The following CYP4F11 variants were observed in gnomAD, a reference collection of about 807,000 sequenced individuals.
The protein encoded by CYP4F11 is cytochrome P450 4F11.
A neutral mutation model predicts 62.2 loss-of-function variants in CYP4F11; 79 were observed. The ratio of observed to expected loss-of-function variants is 1.27; its 90% CI spans 1.06 to 1.53. CYP4F11 has a LOEUF of 1.53. Ranked by LOEUF, CYP4F11 falls within the 40% of genes most tolerant of loss-of-function variation. The pLI, the probability that CYP4F11 is intolerant of heterozygous loss-of-function variation, is 0.00. For missense variants in CYP4F11, 777 were observed against 680.5 expected, an observed-to-expected ratio of 1.14 and a Z score of -1.58; for synonymous variants, 290 against 263.7, an observed-to-expected ratio of 1.10 and a Z score of -0.97.
intron 8 of CYP4F11, among the ~76,000 whole-genome samples, chr19:15,920,247 C>T (rs1187967688): frequency 6.6e-6 from 1 of 152,098 alleles, no homozygotes; most frequent in African/African-American, 2.4e-5. Context: ...TTTTCTAAAA[C>T]TCATATTTTG....
chr19:15,926,575 C>G (rs1338561376), intron 4 of CYP4F11, among the ~76,000 whole-genome samples: 1 of 152,174 alleles, frequency 6.6e-6, no homozygotes. Context: ...AACTTTGAAA[C>G]ATTGCAGAGA....
chr19:15,922,340 G>A (rs547102668), intron 7 of CYP4F11, 24 bp downstream of exon 7: 103 of 1,613,658 alleles, frequency 6.4e-5, no homozygotes, highest in Admixed American at 8.3e-5. Flanking sequence ...TGTCCCCACC[G>A]TAGTCCCACA....
At position 15,912,964 on chromosome 19, in the gene CYP4F11, AGGAAATAATAAT is replaced by A. The variant is rs1452388593; in HGVS notation, c.*756_*767del. 4.0e-5 allele frequency: 6 copies of A among 151,740 alleles called. No individual in the cohort carries two copies. The highest frequency in any genetic ancestry group is 8.8e-5 in the Non-Finnish European group (6 of 67,994). The allele number at this position is 151,740 out of a possible 1,614,324, so 9.4% of individuals were successfully genotyped here. A position where few individuals can be genotyped will look rare whatever the true frequency, so the allele number is the denominator to read the frequency against. The stretch of plus-strand genomic sequence containing the variant: ...CTTTAACAGCCAGACTTTCTGAGAC[AGGAAATAATAAT>A]GGCTCCATATATTTAGCATTCATTG... On this transcript the variant is annotated 3_prime_UTR_variant, in exon 12 of 12. Transcript: ENST00000402119.
intron 1 of CYP4F11, among the ~76,000 whole-genome samples, chr19:15,930,944 T>C (rs1232791703): frequency 1.3e-5 from 2 of 152,180 alleles, no homozygotes; most frequent in African/African-American, 4.8e-5. Flanking sequence ...GTGTGTCCTA[T>C]TCACCCTCCA....
At chr19:15,922,819 C>T (rs1435985806) in intron 6 of CYP4F11, among the ~76,000 whole-genome samples, 1 of 152,066 alleles carries the variant, frequency 6.6e-6, no homozygotes, top group Non-Finnish European at 1.5e-5. Context: ...TTTGGAAGGC[C>T]GAGGCAGGTG....
intron 8 of CYP4F11, among the ~76,000 whole-genome samples, chr19:15,915,656 T>C (rs1312999449): frequency 1.3e-5 from 2 of 151,854 alleles, no homozygotes; most frequent in East Asian, 4.0e-4. Context: ...ATATTCCATA[T>C]CTTTTCTCAT....
rs370872140 is a variant in CYP4F11, at chr19:15,920,142, G to A, written c.1115+1895C>T. Among the ~76,000 whole-genome samples, 80 of 152,242 alleles carry A rather than the reference G, an allele frequency of 5.3e-4. 1 individual carries two copies. The highest frequency in any genetic ancestry group is 6.8e-3 in the Middle Eastern group (2 of 294). On this transcript the variant is annotated intron_variant, in intron 8 of 11. Coordinates refer to ENST00000402119, the MANE Select transcript of CYP4F11 (RefSeq NM_021187.4). The stretch of plus-strand genomic sequence containing the variant: ...ACCATCAGGTGGATTTAATCATTCT[G>A]CATTGTGTACATCATAACATCACAG...
chr19:15,934,207 T>C lies in CYP4F11; in HGVS notation c.198+4A>G. 1.2e-6 allele frequency: 2 copies of C among 1,612,768 alleles called. No individual in the cohort carries two copies. The highest frequency in any genetic ancestry group is 1.7e-4 in the Middle Eastern group (1 of 6,054). Reference sequence around the variant, plus strand: ...CCCCAGACCCGTCCTGCTGACAAACTCACCAGGCCCTGGTGTCCCCAAAAC... The same window carrying C: ...CCCCAGACCCGTCCTGCTGACAAACCCACCAGGCCCTGGTGTCCCCAAAAC... On this transcript the variant is annotated splice_donor_region_variant and intron_variant, in intron 1 of 11. Coordinates refer to ENST00000402119, the MANE Select transcript of CYP4F11 (RefSeq NM_021187.4).
intron 2 of CYP4F11, among the ~76,000 whole-genome samples, chr19:15,928,797 G>T (rs2089688575): frequency 1.3e-5 from 2 of 152,194 alleles, no homozygotes; most frequent in South Asian, 4.1e-4. Context: ...GGAGATTGCT[G>T]GGGCCTGGAG....
chr19:15,923,863 G>A lies in CYP4F11; in HGVS notation c.867C>T (p.Asn289=), dbSNP rs779871043. The A allele has an allele frequency of 9.3e-6, 15 of 1,614,114 alleles. No individual in the cohort carries two copies. The highest frequency in any genetic ancestry group is 1.2e-5 in the Non-Finnish European group (14 of 1,180,054). Residue 289 remains asparagine (N), a synonymous_variant, in exon 6 of 12, where the codon AAC becomes AAT. Transcript: ENST00000402119. ...AGTCTAAAGTCTTGGACTTTGCCTT[G>A]TTCTTGAGGAAATCATCAATACCCT... ...PTQGIDDFLK[N]KAKSKTLDFI...
Position 15,934,001 on chromosome 19 carries a change from T to TGAGTGAGC in CYP4F11, c.198+209_198+210insGCTCACTC, listed in dbSNP as rs1568258943. ...GTGAGCGGGGAGAGGAATGAGTGAG[T>TGAGTGAGC]GGGCAGAGGAATGAGTGAGTGGGCA... On this transcript the variant is annotated intron_variant, in intron 1 of 11. Coordinates refer to ENST00000402119, the MANE Select transcript of CYP4F11 (RefSeq NM_021187.4). Among the ~76,000 whole-genome samples the TGAGTGAGC allele has an allele frequency of 2.2e-3, 91 of 40,850 alleles. 4 individuals carry two copies. The highest frequency in any genetic ancestry group is 0.012 in the Middle Eastern group (1 of 82). The allele number at this position is 40,850 out of a possible 152,430, so 26.8% of individuals were successfully genotyped here. A position where few individuals can be genotyped will look rare whatever the true frequency, so the allele number is the denominator to read the frequency against.
rs1292865303 is a variant in CYP4F11 at position 15,914,784 on chromosome 19, T to C, written c.1227A>G (p.Pro409=). The part of the protein sequence containing the change: ...SRCCTQDFVL[P]DGRVIPKGIV... ...CACCTTTGGGGATGACGCGGCCGTCTGGGAGCACAAAGTCCTGCGTGCAAC... is the reference window on the plus strand; with the variant it reads ...CACCTTTGGGGATGACGCGGCCGTCCGGGAGCACAAAGTCCTGCGTGCAAC... Residue 409 remains proline (P), a synonymous_variant, in exon 9 of 12, where the codon CCA becomes CCG. Transcript: ENST00000402119. 1 of 1,614,140 alleles carries C rather than the reference T, an allele frequency of 6.2e-7. No homozygotes were observed. Among genetic ancestry groups the C allele is most frequent in the East Asian group, 2.2e-5 (1 of 44,878 alleles).
At chr19:15,930,512 A>C (rs1366324551) in intron 1 of CYP4F11, among the ~76,000 whole-genome samples, 1 of 152,136 alleles carries the variant, frequency 6.6e-6, no homozygotes, top group Non-Finnish European at 1.5e-5. Flanking sequence ...GAATCACTTG[A>C]ACCTGGGAGG....
intron 1 of CYP4F11, among the ~76,000 whole-genome samples, chr19:15,930,602 A>G (rs1003786733): frequency 9.9e-5 from 15 of 152,180 alleles, no homozygotes; most frequent in Non-Finnish European, 1.8e-4. Context: ...AAAAATAAAT[A>G]AATAAATAAA....
chr19:15,923,285 C>T lies in CYP4F11; in HGVS notation c.918+527G>A, dbSNP rs542009783. 6.9e-5 allele frequency among the ~76,000 whole-genome samples: 10 copies of T among 145,714 alleles called. No homozygotes were observed. The East Asian group carries it at 1.4e-3, about 21-fold the overall frequency. On this transcript the variant is annotated intron_variant, in intron 6 of 11. Coordinates refer to ENST00000402119, the MANE Select transcript of CYP4F11 (RefSeq NM_021187.4). ...TCTCTCTCTCTCTCTCTCTCTTTCT[C>T]ATTCCCACTCTCGCCCTGGAAGGAA...
At chr19:15,925,025 G>C (rs1303774507) in intron 4 of CYP4F11, 143 bp from the exon 5 acceptor site, 3 of 910,442 alleles carry the variant, frequency 3.3e-6, no homozygotes, top group East Asian at 3.2e-5. Context: ...ACCAGCCTTG[G>C]ATAGGAGCAG....
chr19:15,912,915 A>G lies in CYP4F11; in HGVS notation c.*817T>C, dbSNP rs1228309445. On this transcript the variant is annotated 3_prime_UTR_variant, in exon 12 of 12. Coordinates refer to ENST00000402119, the MANE Select transcript of CYP4F11 (RefSeq NM_021187.4). ...CACAGCCTTTAAAGTCGTGGTAGAAATAACGATCTTGAAAGACAACATTCT... is the reference window on the plus strand; with the variant it reads ...CACAGCCTTTAAAGTCGTGGTAGAAGTAACGATCTTGAAAGACAACATTCT... 6.6e-6 allele frequency: 1 copy of G among 151,240 alleles called. No homozygotes were observed. Among genetic ancestry groups the G allele is most frequent in the Non-Finnish European group, 1.5e-5 (1 of 67,946 alleles). 9.4% of individuals were successfully genotyped at this position (151,240 alleles called of 1,614,324 possible).
chr19:15,913,926 G>A lies in CYP4F11; in HGVS notation c.1398-17C>T. 1.2e-6 allele frequency: 2 copies of A among 1,603,858 alleles called. No homozygotes were observed. The highest frequency in any genetic ancestry group is 1.7e-6 in the Non-Finnish European group (2 of 1,175,208). ...ATGCAGTTTCTGGGGGCAAAAGTGA[G>A]GGAATCTGACTGTGCCCATGACCCC... On this transcript the variant is annotated splice_polypyrimidine_tract_variant and intron_variant, in intron 11 of 11. Coordinates refer to ENST00000402119, the MANE Select transcript of CYP4F11 (RefSeq NM_021187.4).
At chr19:15,915,199 A>C (rs1201413450) in intron 8 of CYP4F11, among the ~76,000 whole-genome samples, 1 of 152,238 alleles carries the variant, frequency 6.6e-6, no homozygotes, top group African/African-American at 2.4e-5. Flanking sequence ...AAGCAAACAC[A>C]AAATGCAAGT....
Sources: gnomAD v4.1 joint callset for allele counts (sites outside exome capture counted in the v4.1 genomes callset) on GRCh38, gnomAD v4.1.1 for gene constraint, MANE v1.5 for transcripts, NCBI Gene and HGNC (gene_info 2026-07-23, HGNC 2026-07-21) for gene names.